ADAMTS2: variants seen among roughly 807,000 people sequenced by gnomAD.
The protein encoded by ADAMTS2 is ADAM metallopeptidase with thrombospondin type 1 motif 2, also known as A disintegrin and metalloproteinase with thrombospondin motifs 2.
Under a neutral mutation model 123.0 loss-of-function variants are expected in ADAMTS2, and 50 were observed. The observed-to-expected ratio is 0.41, with a 90% confidence interval of 0.32 to 0.51. The LOEUF (loss-of-function observed/expected upper bound fraction) is 0.51, where lower values mean the gene tolerates loss of function less well. ADAMTS2 is among the 20% of genes least tolerant of loss of function. The pLI is 0.35. For missense variants in ADAMTS2, 1,494 were observed against 1,705.2 expected (o/e 0.88, Z 2.18); for synonymous variants, 678 against 695.4 (o/e 0.98, Z 0.39).
At chr5:179,343,451 T>C (rs564200881) in intron 2 of ADAMTS2, among the ~76,000 whole-genome samples, 2 of 152,282 alleles carry the variant, frequency 1.3e-5, no homozygotes, top group South Asian at 4.1e-4. Context: ...TACACACACA[T>C]ACACGGACCC....
intron 2 of ADAMTS2, among the ~76,000 whole-genome samples, chr5:179,287,735 G>A (rs1756062047): frequency 6.6e-6 from 1 of 152,228 alleles, no homozygotes; most frequent in African/African-American, 2.4e-5. Context: ...CCCACAGCGG[G>A]TGCTCCTCCA....
intron 5 of ADAMTS2, 130 bp from the exon 6 acceptor site, chr5:179,159,009 C>G: frequency 8.0e-7 from 1 of 1,248,492 alleles, no homozygotes; most frequent in Non-Finnish European, 1.1e-6. Flanking sequence ...AAGGCCCTGC[C>G]CGGTCACTCT....
rs1271122140 is a variant in ADAMTS2 at position 179,260,679 on chromosome 5, G to A, written c.688+12232C>T. ...TCTACAGCTTACTATCTGTGCGACC[G>A]TCGGCACCTCAGTTTCCTCATCTGT... On this transcript the variant is annotated intron_variant, in intron 3 of 21. Transcript: ENST00000251582. This position sits in a 1 kb window ranked among gnomAD's most constrained non-coding sequence, Gnocchi z 4.2. Among the ~76,000 whole-genome samples, 2 of 152,140 alleles carry A rather than the reference G, an allele frequency of 1.3e-5. No individual in the cohort carries two copies. Among genetic ancestry groups the A allele is most frequent in the East Asian group, 3.9e-4 (2 of 5,186 alleles).
chr5:179,138,549 A>G (rs1245332010), intron 11 of ADAMTS2, among the ~76,000 whole-genome samples: 1 of 152,218 alleles, frequency 6.6e-6, no homozygotes, highest in Non-Finnish European at 1.5e-5. Flanking sequence ...CAACCCACAC[A>G]CTGCCTCTTG....
intron 2 of ADAMTS2, among the ~76,000 whole-genome samples, chr5:179,324,097 A>G (rs1757251124): frequency 1.3e-5 from 2 of 152,224 alleles, no homozygotes; most frequent in Admixed American, 1.3e-4. Flanking sequence ...GAACAGGCAA[A>G]TCTATACAGG....
Position 179,207,833 on chromosome 5 carries a change from T to G in ADAMTS2, c.689-118A>C, listed in dbSNP as rs1471964162. 8 of 887,394 alleles carry G rather than the reference T, an allele frequency of 9.0e-6. No homozygotes were observed. In the Admixed American group the frequency reaches 1.4e-4, roughly 15 times the overall value. The allele number at this position is 887,394 out of a possible 1,614,324, so 55.0% of individuals were successfully genotyped here. ...CTCATAGCACCCTGAACCGAGGGTA[T>G]TATTCCATTTTACAGAGGAAAGCGA... On this transcript the variant is annotated intron_variant, in intron 3 of 21. Coordinates refer to ENST00000251582, the MANE Select transcript of ADAMTS2 (RefSeq NM_014244.5).
chr5:179,168,267 G>A (rs1763745896), intron 5 of ADAMTS2, among the ~76,000 whole-genome samples: 1 of 152,132 alleles, frequency 6.6e-6, no homozygotes, highest in Non-Finnish European at 1.5e-5. Context: ...ATGTCCCCCG[G>A]GTGGGGGGAG....
At chr5:179,324,546 A>G (rs1000682300) in intron 2 of ADAMTS2, among the ~76,000 whole-genome samples, 1 of 152,032 alleles carries the variant, frequency 6.6e-6, no homozygotes, top group African/African-American at 2.4e-5. Context: ...GCCCGCCACC[A>G]CGCCCGGCTA....
At chr5:179,248,727 C>G (rs1336388528) in intron 3 of ADAMTS2, among the ~76,000 whole-genome samples, 1 of 150,426 alleles carries the variant, frequency 6.6e-6, no homozygotes, top group Non-Finnish European at 1.5e-5. Flanking sequence ...CAACAGAATC[C>G]CAAAATCTAT....
chr5:179,203,437 C>T lies in ADAMTS2; in HGVS notation c.891+4076G>A, dbSNP rs1432290147. Among the ~76,000 whole-genome samples the T allele has an allele frequency of 3.9e-5, 6 of 152,232 alleles. No homozygotes were observed. In the East Asian group the frequency reaches 1.2e-3, roughly 29 times the overall value. On this transcript the variant is annotated intron_variant, in intron 4 of 21. Coordinates refer to ENST00000251582, the MANE Select transcript of ADAMTS2 (RefSeq NM_014244.5). ...TCCTTCCATGCTTTTGCTTTCGCTC[C>T]AGCCACGGGGAGCCCTGTGACCAGC...
At chr5:179,165,421 C>T (rs992061445) in intron 5 of ADAMTS2, among the ~76,000 whole-genome samples, 1 of 152,204 alleles carries the variant, frequency 6.6e-6, no homozygotes, top group African/African-American at 2.4e-5. Flanking sequence ...ACGTCCCTCC[C>T]AGTCCTGAAT....
Position 179,130,135 on chromosome 5 carries a change from C to A in ADAMTS2, c.2291-37G>T. ...AAGACCAAGTCCCCCGTTGTGGTCA[C>A]CCAAGAGCAGGACCCAGGCCCACTG... On this transcript the variant is annotated intron_variant, in intron 15 of 21. Transcript: ENST00000251582. The surrounding 1 kb of genome is among the most constrained non-coding windows in gnomAD (Gnocchi z 4.3). 1 of 1,613,370 alleles carries A rather than the reference C, an allele frequency of 6.2e-7. No homozygotes were observed. The highest frequency in any genetic ancestry group is 8.5e-7 in the Non-Finnish European group (1 of 1,179,908).
chr5:179,223,978 G>A (rs761600747), intron 3 of ADAMTS2, among the ~76,000 whole-genome samples: 3 of 152,220 alleles, frequency 2.0e-5, no homozygotes, highest in African/African-American at 2.4e-5. Flanking sequence ...GGCCAAAAAC[G>A]CCTATTGGAT....
intron 5 of ADAMTS2, among the ~76,000 whole-genome samples, chr5:179,169,389 A>G (rs1763771976): frequency 6.6e-6 from 1 of 152,214 alleles, no homozygotes; most frequent in Non-Finnish European, 1.5e-5. Flanking sequence ...ACTCAGTCTA[A>G]GGTATTTCTG....
chr5:179,221,532 C>T (rs972854019), intron 3 of ADAMTS2, among the ~76,000 whole-genome samples: 7 of 152,164 alleles, frequency 4.6e-5, no homozygotes, highest in African/African-American at 7.2e-5. Flanking sequence ...AGGACAACCC[C>T]GGGGACCACC....
intron 13 of ADAMTS2, 149 bp downstream of exon 13, chr5:179,135,760 C>T (rs2113214046): frequency 4.0e-6 from 5 of 1,260,304 alleles, no homozygotes; most frequent in Non-Finnish European, 5.5e-6. Context: ...AGACATTTGC[C>T]AAGAGCCTGC....
chr5:179,295,836 A>C (rs1315947936), intron 2 of ADAMTS2, among the ~76,000 whole-genome samples: 2 of 152,182 alleles, frequency 1.3e-5, no homozygotes, highest in African/African-American at 4.8e-5. Context: ...ACACGTCCTC[A>C]AAAGCCCTTC....
intron 3 of ADAMTS2, among the ~76,000 whole-genome samples, chr5:179,245,724 C>CCACTG (rs1490218679): frequency 8.0e-6 from 1 of 125,008 alleles, no homozygotes; most frequent in East Asian, 2.3e-4. Context: ...CGAGATCGCG[C>CCACTG]CACTGCACTC....
chr5:179,194,588 A>T (rs1561798588), intron 4 of ADAMTS2, among the ~76,000 whole-genome samples: 2 of 152,064 alleles, frequency 1.3e-5, no homozygotes, highest in Non-Finnish European at 1.5e-5. Flanking sequence ...GGAGCATGCT[A>T]GGGGATTTGG....
Sources: allele counts gnomAD v4.1 joint callset (sites outside exome capture counted in the v4.1 genomes callset), GRCh38; gene constraint gnomAD v4.1.1; non-coding constraint Gnocchi (gnomAD v3.1); transcripts MANE v1.5; gene names NCBI Gene and HGNC (gene_info 2026-07-23, HGNC 2026-07-21).